Variants in ENDOD1 observed in about 807,000 individuals in gnomAD.
The protein encoded by ENDOD1 is endonuclease domain-containing 1 protein.
In ENDOD1, 9 loss-of-function variants were observed where a neutral mutation model predicts 6.5. The observed-to-expected ratio is 1.39, with a 90% CI of 0.84 to 2.43. The LOEUF is 2.43. Ranked by LOEUF, ENDOD1 falls within the 30% of genes most tolerant of loss-of-function variation. The pLI, the probability that ENDOD1 is intolerant of heterozygous loss-of-function variation, is 0.00. For missense variants in ENDOD1, 648 were observed against 635.5 expected (o/e 1.02, Z -0.21); for synonymous variants, 255 against 255.2 (o/e 1.00, Z 0.01).
chr11:95,105,640 A>G (rs1272821051), intron 1 of ENDOD1, among the ~76,000 whole-genome samples: 1 of 152,098 alleles, frequency 6.6e-6, no homozygotes, highest in Non-Finnish European at 1.5e-5. Flanking sequence ...CTCATTGTTC[A>G]GCTCCTACTT....
In ENDOD1 at chr11:95,097,347, G is replaced by A. The variant is rs145301949; in HGVS notation, c.300+7120G>A. On this transcript the variant is annotated intron_variant, in intron 1 of 1. Transcript: ENST00000278505. Reference sequence around the variant, plus strand: ...AGCCAATTATGCAGGCATCTATAGAGGGGGAAAACGTTCTGGGTAAAGGGA... The same window carrying A: ...AGCCAATTATGCAGGCATCTATAGAAGGGGAAAACGTTCTGGGTAAAGGGA... 5.5e-3 allele frequency among the ~76,000 whole-genome samples: 830 copies of A among 152,250 alleles called. 8 individuals carry two copies. The highest frequency in any genetic ancestry group is 0.018 in the African/African-American group (766 of 41,542).
chr11:95,092,448 T>C (rs1359491836), intron 1 of ENDOD1, among the ~76,000 whole-genome samples: 1 of 151,560 alleles, frequency 6.6e-6, no homozygotes, highest in Non-Finnish European at 1.5e-5. Context: ...GGTGAGATAA[T>C]GAGGAAGGGG....
intron 1 of ENDOD1, among the ~76,000 whole-genome samples, chr11:95,114,682 AT>A (rs1294081357): frequency 6.6e-6 from 1 of 152,192 alleles, no homozygotes; most frequent in Non-Finnish European, 1.5e-5. Context: ...ATAATAACAG[AT>A]TGGGGTCTGC....
chr11:95,095,663 C>A (rs1555110237), intron 1 of ENDOD1, among the ~76,000 whole-genome samples: 1 of 152,194 alleles, frequency 6.6e-6, no homozygotes, highest in Non-Finnish European at 1.5e-5. Flanking sequence ...GATCCCTTAC[C>A]ATGTCAAAGG....
At chr11:95,112,971 C>T (rs1437665880) in intron 1 of ENDOD1, among the ~76,000 whole-genome samples, 1 of 151,006 alleles carries the variant, frequency 6.6e-6, no homozygotes, top group Non-Finnish European at 1.5e-5. Context: ...TAAGTTGGCA[C>T]GTGGTCCCGT....
chr11:95,115,902 TGAG>T (rs1261538250), intron 1 of ENDOD1, among the ~76,000 whole-genome samples: 1 of 152,204 alleles, frequency 6.6e-6, no homozygotes, highest in Non-Finnish European at 1.5e-5. Flanking sequence ...AATATTTTGT[TGAG>T]GATTTTTGCA....
At chr11:95,091,262 C>T (rs1858928286) in intron 1 of ENDOD1, among the ~76,000 whole-genome samples, 1 of 152,186 alleles carries the variant, frequency 6.6e-6, no homozygotes, top group African/African-American at 2.4e-5. Context: ...CCACAGCTGC[C>T]CAGGACCACA....
intron 1 of ENDOD1, among the ~76,000 whole-genome samples, chr11:95,105,133 C>A (rs1374730250): frequency 2.0e-5 from 3 of 152,194 alleles, no homozygotes; most frequent in African/African-American, 7.2e-5. Context: ...GGGGCCGTAT[C>A]AGTCAGGGGC....
At position 95,130,319 on chromosome 11, in the gene ENDOD1, C is replaced by A. The variant is rs1320993413; in HGVS notation, c.*740C>A. The A allele has an allele frequency of 1.7e-5, 2 of 114,990 alleles. No individual in the cohort carries two copies. Among genetic ancestry groups the A allele is most frequent in the Admixed American group, 9.3e-5 (1 of 10,730 alleles). 7.1% of individuals were successfully genotyped at this position (114,990 alleles called of 1,614,324 possible). A position where few individuals can be genotyped will look rare whatever the true frequency, so the allele number is the denominator to read the frequency against. ...AGTTTGAATTGAAGGGCAAAGTTTT[C>A]TTTTCTTTTTTTTTTGGGCCCCTTG... On this transcript the variant is annotated 3_prime_UTR_variant, in exon 2 of 2. Transcript: ENST00000278505.
intron 1 of ENDOD1, among the ~76,000 whole-genome samples, chr11:95,106,744 G>A (rs1555111434): frequency 6.6e-6 from 1 of 151,988 alleles, no homozygotes; most frequent in East Asian, 2.0e-4. Flanking sequence ...TCAATATCAC[G>A]GGAATAAATT....
intron 1 of ENDOD1, among the ~76,000 whole-genome samples, chr11:95,108,582 G>A (rs1006053853): frequency 3.3e-5 from 5 of 151,752 alleles, no homozygotes; most frequent in African/African-American, 7.3e-5. Context: ...CTTCTAAAGC[G>A]GTTTCTATTC....
intron 1 of ENDOD1, among the ~76,000 whole-genome samples, chr11:95,095,032 G>T (rs1193926318): frequency 6.9e-6 from 1 of 144,080 alleles, no homozygotes; most frequent in South Asian, 2.2e-4. Context: ...GTAGGTGCTA[G>T]GCGTGTGCAC....
At chr11:95,111,983 C>T (rs1555111993) in intron 1 of ENDOD1, among the ~76,000 whole-genome samples, 1 of 152,226 alleles carries the variant, frequency 6.6e-6, no homozygotes, top group African/African-American at 2.4e-5. Context: ...ACTTCTTAAA[C>T]AAGAGGCCTC....
chr11:95,115,595 T>C (rs782615195), intron 1 of ENDOD1, among the ~76,000 whole-genome samples: 5 of 152,166 alleles, frequency 3.3e-5, no homozygotes, highest in Non-Finnish European at 7.4e-5. Flanking sequence ...CAGGAAAGAC[T>C]TTCAGTTTTT....
chr11:95,093,878 C>T, intron 1 of ENDOD1, among the ~76,000 whole-genome samples: 1 of 152,164 alleles, frequency 6.6e-6, no homozygotes, highest in East Asian at 1.9e-4. Flanking sequence ...TGATTTTGAT[C>T]TCTGCTCTGC....
chr11:95,109,859 C>A (rs1859129816), intron 1 of ENDOD1, among the ~76,000 whole-genome samples: 1 of 152,272 alleles, frequency 6.6e-6, no homozygotes, highest in Admixed American at 6.5e-5. Context: ...CAACCTTGGG[C>A]CCATGCCCAC....
At position 95,129,125 on chromosome 11, in the gene ENDOD1, T is replaced by C; in HGVS notation, c.1049T>C (p.Val350Ala). The C allele has an allele frequency of 6.2e-7, 1 of 1,614,152 alleles. No homozygotes were observed. Among genetic ancestry groups the C allele is most frequent in the Non-Finnish European group, 8.5e-7 (1 of 1,180,020 alleles). ...IKLFQLIYYL[V>A]VAILKNIVYF... The stretch of plus-strand genomic sequence containing the variant: ...CTTTTTCAATTAATTTATTACCTTG[T>C]GGTAGCAATCCTGAAGAACATTGTC... The change falls in exon 2 of 2, where the codon GTG becomes GCG. Residue 350 changes from valine to alanine, a missense_variant. Val to Ala is a moderately conservative substitution (Grantham distance 64). Transcript: ENST00000278505.
At chr11:95,125,444 A>C (rs1859302101) in intron 1 of ENDOD1, among the ~76,000 whole-genome samples, 1 of 152,030 alleles carries the variant, frequency 6.6e-6, no homozygotes, top group South Asian at 2.1e-4. Context: ...CTTCTTTATT[A>C]TTATTATTAT....
chr11:95,106,251 T>A (rs1859087808), intron 1 of ENDOD1, among the ~76,000 whole-genome samples: 1 of 152,114 alleles, frequency 6.6e-6, no homozygotes. Flanking sequence ...AGCTGTGAGG[T>A]CAGAGCTGAG....
Sources: gnomAD v4.1 joint callset for allele counts (sites outside exome capture counted in the v4.1 genomes callset) on GRCh38, gnomAD v4.1.1 for gene constraint, MANE v1.5 for transcripts, NCBI Gene and HGNC (gene_info 2026-07-23, HGNC 2026-07-21) for gene names.